NOSTRIN: variants seen among roughly 807,000 people sequenced by gnomAD.
The protein encoded by NOSTRIN is nitric oxide synthase trafficking.
In NOSTRIN, 63 loss-of-function variants were observed where a neutral mutation model predicts 59.0. That is an observed-to-expected ratio of 1.07 (90% CI 0.87 to 1.32). NOSTRIN has a LOEUF of 1.32. NOSTRIN is among the 40% of genes most tolerant of loss of function. The pLI is 0.00. For synonymous variants in NOSTRIN, 200 were observed against 165.4 expected (o/e 1.21, Z -1.61); for missense variants, 512 against 473.1 (o/e 1.08, Z -0.76).
chr2:168,815,040 A>G (rs982881957), intron 2 of NOSTRIN, among the ~76,000 whole-genome samples: 1 of 152,212 alleles, frequency 6.6e-6, no homozygotes, highest in African/African-American at 2.4e-5. Context: ...AGCTCCTGGA[A>G]TGTGGTTCTG....
At chr2:168,841,293 AAT>A (rs10536098) in intron 7 of NOSTRIN, among the ~76,000 whole-genome samples, 1 of 148,618 alleles carries the variant, frequency 6.7e-6, no homozygotes, top group Admixed American at 6.7e-5. Flanking sequence ...GAATGCTTTA[AAT>A]ATATATATAT....
chr2:168,794,013 T>C (rs545576262), upstream of NOSTRIN, among the ~76,000 whole-genome samples: 1 of 152,368 alleles, frequency 6.6e-6, no homozygotes, highest in South Asian at 2.1e-4. Flanking sequence ...TTCTATATCA[T>C]ATCTTCATAA....
chr2:168,855,527 T>A, intron 11 of NOSTRIN, 67 bp downstream of exon 11: 1 of 840,428 alleles, frequency 1.2e-6, no homozygotes, highest in Non-Finnish European at 1.9e-6. Flanking sequence ...TCATTCAGAG[T>A]TAGGATTGAT....
upstream of NOSTRIN, chr2:168,802,488 GA>G (rs1221388615): frequency 9.4e-6 from 6 of 637,182 alleles, no homozygotes; most frequent in Non-Finnish European, 1.4e-5. Flanking sequence ...CAAACGGGAT[GA>G]AAGTCCAGGG....
At chr2:168,797,980 C>T (rs1685529492), upstream of NOSTRIN, among the ~76,000 whole-genome samples, 1 of 152,100 alleles carries the variant, frequency 6.6e-6, no homozygotes, top group South Asian at 2.1e-4. Context: ...TATTCAAGTC[C>T]CTTATATAAA....
At chr2:168,852,465 T>C (rs1388007459) in intron 10 of NOSTRIN, among the ~76,000 whole-genome samples, 2 of 152,184 alleles carry the variant, frequency 1.3e-5, no homozygotes, top group Non-Finnish European at 2.9e-5. Context: ...ATATTCTTAA[T>C]TGTAGTGTTC....
intron 7 of NOSTRIN, among the ~76,000 whole-genome samples, chr2:168,841,023 T>C (rs61011647): frequency 0.21 from 31,994 of 151,664 alleles, 3,890 homozygotes; most frequent in African/African-American, 0.34. Flanking sequence ...GAGGCTGAGG[T>C]AGACAGATCG....
At chr2:168,834,495 G>GCA (rs1687565113) in intron 7 of NOSTRIN, among the ~76,000 whole-genome samples, 170 bp downstream of exon 7, 5 of 33,886 alleles carry the variant, frequency 1.5e-4, no homozygotes, top group South Asian at 4.2e-3. Flanking sequence ...TGGCGTGCGC[G>GCA]CGCGCGCGCG....
intron 7 of NOSTRIN, among the ~76,000 whole-genome samples, chr2:168,837,298 A>ATTT (rs1267903005): frequency 2.4e-5 from 2 of 84,550 alleles, no homozygotes; most frequent in African/African-American, 4.2e-5. Context: ...CTTTTTTAAC[A>ATTT]TCTTTTTTTT....
chr2:168,796,058 C>T (rs6749871), upstream of NOSTRIN, among the ~76,000 whole-genome samples: 19,054 of 152,252 alleles, frequency 0.13, 1,737 homozygotes, highest in African/African-American at 0.26. Context: ...CTGCAATGAT[C>T]CCAGACTGAA....
intron 10 of NOSTRIN, among the ~76,000 whole-genome samples, chr2:168,855,100 A>G (rs1175731922): frequency 6.6e-6 from 1 of 152,220 alleles, no homozygotes; most frequent in Non-Finnish European, 1.5e-5. Flanking sequence ...TCCATCCTCA[A>G]AGAACAATCT....
intron 10 of NOSTRIN, among the ~76,000 whole-genome samples, chr2:168,852,172 T>C (rs900168746): frequency 3.9e-5 from 6 of 152,166 alleles, no homozygotes; most frequent in Admixed American, 3.9e-4. Context: ...GTGCAGCCCA[T>C]ACTCAAAGGT....
rs1157981223 is a variant in NOSTRIN at position 168,865,162 on chromosome 2, A to G, written c.*192A>G. On this transcript the variant is annotated 3_prime_UTR_variant, in exon 16 of 16. Coordinates refer to ENST00000317647, the MANE Select transcript of NOSTRIN (RefSeq NM_001039724.4). ...AGAAAAAAGATGGATGGGTGGAGAC[A>G]GACAAGGAAGAGGCTCCTTGGTTCC... 2 of 618,440 alleles carry G rather than the reference A, an allele frequency of 3.2e-6. No homozygotes were observed. Among genetic ancestry groups the G allele is most frequent in the African/African-American group, 1.9e-5 (1 of 54,030 alleles). The allele number at this position is 618,440 out of a possible 1,614,324, so 38.3% of individuals were successfully genotyped here. A position where few individuals can be genotyped will look rare whatever the true frequency, so the allele number is the denominator to read the frequency against.
chr2:168,818,644 CTCT>C (rs1291476678), intron 2 of NOSTRIN, among the ~76,000 whole-genome samples: 1 of 152,108 alleles, frequency 6.6e-6, no homozygotes, highest in African/African-American at 2.4e-5. Flanking sequence ...TTTTCCATCT[CTCT>C]TTTCTTTCAA....
chr2:168,841,235 C>CAAAAAAAAAAAAA (rs57480764), intron 7 of NOSTRIN, among the ~76,000 whole-genome samples: 51 of 106,570 alleles, frequency 4.8e-4, no homozygotes, highest in African/African-American at 1.5e-3. Flanking sequence ...ACCCTGTCTC[C>CAAAAAAAAAAAAA]AAAAAAAAAA....
chr2:168,858,172 T>G (rs1336846696), intron 12 of NOSTRIN, among the ~76,000 whole-genome samples: 6 of 152,356 alleles, frequency 3.9e-5, no homozygotes, highest in Admixed American at 1.3e-4. Context: ...CCAGCATACA[T>G]GTATTAGGAT....
At chr2:168,847,674 G>T (rs894027988) in intron 8 of NOSTRIN, among the ~76,000 whole-genome samples, 4 of 152,160 alleles carry the variant, frequency 2.6e-5, no homozygotes. Context: ...AATCTTTCTG[G>T]ATAACTCCTT....
At chr2:168,859,832 G>A (rs972223680) in intron 13 of NOSTRIN, among the ~76,000 whole-genome samples, 195 bp downstream of exon 13, 1 of 152,188 alleles carries the variant, frequency 6.6e-6, no homozygotes, top group Admixed American at 6.5e-5. Flanking sequence ...AATACATTCT[G>A]TGTACACCAA....
intron 7 of NOSTRIN, among the ~76,000 whole-genome samples, 182 bp downstream of exon 7, chr2:168,834,507 G>GCACACACACACACA (rs1553527194): frequency 4.4e-4 from 55 of 125,412 alleles, no homozygotes; most frequent in South Asian, 8.5e-4. Context: ...GCGCGCGCGC[G>GCACACACACACACA]CACACACACA....
Sources: gnomAD v4.1 joint callset for allele counts (sites outside exome capture counted in the v4.1 genomes callset) on GRCh38, gnomAD v4.1.1 for gene constraint, MANE v1.5 for transcripts, NCBI Gene and HGNC (gene_info 2026-07-23, HGNC 2026-07-21) for gene names.